PTPRT: variants seen among roughly 807,000 people sequenced by gnomAD.
PTPRT encodes protein tyrosine phosphatase receptor type T, also known as receptor-type tyrosine-protein phosphatase T.
PTPRT carries 56 observed loss-of-function variants against 176.8 expected under a neutral mutation model. The observed-to-expected ratio is 0.32, with a 90% CI of 0.26 to 0.40. The LOEUF (loss-of-function observed/expected upper bound fraction) is 0.40. PTPRT is among the 10% of genes least tolerant of loss of function. The pLI is 1.00. For synonymous variants in PTPRT, 783 were observed against 739.0 expected, an observed-to-expected ratio of 1.06 and a Z score of -0.96; for missense variants, 1,540 against 1,908.2, an observed-to-expected ratio of 0.81 and a Z score of 3.60.
chr20:42,937,758 C>T (rs1290216227), intron 1 of PTPRT, among the ~76,000 whole-genome samples: 1 of 152,186 alleles, frequency 6.6e-6, no homozygotes, highest in African/African-American at 2.4e-5. Context: ...CAAATATTAT[C>T]CCATTCACCA....
intron 7 of PTPRT, among the ~76,000 whole-genome samples, chr20:42,534,120 AT>A (rs2072433498): frequency 6.6e-6 from 1 of 152,162 alleles, no homozygotes; most frequent in Admixed American, 6.5e-5. Flanking sequence ...AGGTGTCTGC[AT>A]TTTCTTCCTG....
At chr20:42,522,497 A>G (rs991467986) in intron 7 of PTPRT, among the ~76,000 whole-genome samples, 3 of 151,966 alleles carry the variant, frequency 2.0e-5, no homozygotes, top group Non-Finnish European at 4.4e-5. Flanking sequence ...CACTCACTCT[A>G]TTGCTCAGGC....
intron 1 of PTPRT, among the ~76,000 whole-genome samples, chr20:43,096,014 T>C (rs2012147848): frequency 1.4e-5 from 1 of 71,848 alleles, no homozygotes; most frequent in Non-Finnish European, 2.6e-5. Context: ...TCTCTTCCCC[T>C]CTCTCCCCAC....
intron 6 of PTPRT, among the ~76,000 whole-genome samples, chr20:42,732,741 G>A (rs1360250464): frequency 6.6e-6 from 1 of 152,198 alleles, no homozygotes; most frequent in African/African-American, 2.4e-5. Context: ...ATGCTTGGGG[G>A]CTCAACAGCT....
intron 6 of PTPRT, among the ~76,000 whole-genome samples, chr20:42,734,234 G>GACCTCATAGACCTCATAGACCTCATA (rs2076504283): frequency 6.6e-6 from 1 of 152,090 alleles, no homozygotes. Flanking sequence ...TAGACCTCTG[G>GACCTCATAGACCTCATAGACCTCATA]GACAGTAGGT....
At chr20:42,405,010 CAT>C (rs2058947011) in intron 9 of PTPRT, among the ~76,000 whole-genome samples, 1 of 42,748 alleles carries the variant, frequency 2.3e-5, no homozygotes, top group Non-Finnish European at 5.4e-5. Flanking sequence ...AAATATATAA[CAT>C]ATCATATAGC....
chr20:42,765,145 G>A (rs1179750065), intron 5 of PTPRT, among the ~76,000 whole-genome samples: 1 of 152,210 alleles, frequency 6.6e-6, no homozygotes, highest in Non-Finnish European at 1.5e-5. Context: ...GATCTGCACA[G>A]GGCGTTTGGA....
At chr20:43,149,501 G>T (rs1268337708) in intron 1 of PTPRT, among the ~76,000 whole-genome samples, 1 of 152,182 alleles carries the variant, frequency 6.6e-6, no homozygotes, top group African/African-American at 2.4e-5. Flanking sequence ...TCAATGAATG[G>T]GTGAGGAACA....
At chr20:42,252,763 A>AAGAACATTCCCAC (rs2056568353) in intron 13 of PTPRT, among the ~76,000 whole-genome samples, 1 of 152,256 alleles carries the variant, frequency 6.6e-6, no homozygotes, top group South Asian at 2.1e-4. Flanking sequence ...AGGGCCACAG[A>AAGAACATTCCCAC]AGAACATTCA....
intron 2 of PTPRT, among the ~76,000 whole-genome samples, chr20:42,826,220 C>A (rs1343508147): frequency 6.6e-6 from 1 of 152,132 alleles, no homozygotes; most frequent in Non-Finnish European, 1.5e-5. Flanking sequence ...GCTCTGAGTA[C>A]CCACAGCCAG....
At chr20:42,173,035 G>T (rs1301548732) in intron 16 of PTPRT, among the ~76,000 whole-genome samples, 1 of 152,190 alleles carries the variant, frequency 6.6e-6, no homozygotes, top group East Asian at 1.9e-4. Flanking sequence ...TACATGCTGT[G>T]CACTGTTCAA....
At chr20:43,036,202 T>A (rs965090599) in intron 1 of PTPRT, among the ~76,000 whole-genome samples, 5 of 152,290 alleles carry the variant, frequency 3.3e-5, no homozygotes, top group Admixed American at 6.5e-5. Context: ...TTAAAAAAAA[T>A]TTTGTTTTGC....
chr20:42,340,680 A>G (rs928774084), intron 11 of PTPRT, among the ~76,000 whole-genome samples: 2 of 152,186 alleles, frequency 1.3e-5, no homozygotes, highest in African/African-American at 2.4e-5. Context: ...AGATCAGGCT[A>G]TAGAAATGCA....
At chr20:42,835,974 A>T (rs1391666295) in intron 2 of PTPRT, among the ~76,000 whole-genome samples, 1 of 152,076 alleles carries the variant, frequency 6.6e-6, no homozygotes, top group Non-Finnish European at 1.5e-5. Flanking sequence ...TGGGAAGGAG[A>T]CTAGCTCAGT....
intron 13 of PTPRT, among the ~76,000 whole-genome samples, chr20:42,265,753 C>A (rs1028483788): frequency 3.3e-5 from 5 of 152,304 alleles, no homozygotes; most frequent in African/African-American, 1.2e-4. Context: ...GGTGTCCAAG[C>A]TCACAGGGCC....
Position 42,323,701 on chromosome 20 carries a change from T to A in PTPRT, c.1866-7705A>T, listed in dbSNP as rs542305028. 4.6e-5 allele frequency among the ~76,000 whole-genome samples: 7 copies of A among 152,082 alleles called. No individual in the cohort carries two copies. In the South Asian group the frequency reaches 1.4e-3, roughly 32 times the overall value. ...GGGTACAGCACACCAGCATGGCACA[T>A]GTATACATATGTAACTAACCTGCAC... On this transcript the variant is annotated intron_variant, in intron 11 of 30. Coordinates refer to ENST00000373187, the MANE Select transcript of PTPRT (RefSeq NM_007050.6).
At chr20:42,904,900 T>G (rs2079454237) in intron 1 of PTPRT, among the ~76,000 whole-genome samples, 1 of 152,172 alleles carries the variant, frequency 6.6e-6, no homozygotes, top group Non-Finnish European at 1.5e-5. Context: ...TCCTTACATC[T>G]TATACAAAAA....
chr20:42,452,771 G>A (rs1601052611), intron 8 of PTPRT, among the ~76,000 whole-genome samples: 1 of 152,178 alleles, frequency 6.6e-6, no homozygotes. Flanking sequence ...GGAAAGTACA[G>A]ATGAATAGTT....
intron 7 of PTPRT, among the ~76,000 whole-genome samples, chr20:42,588,496 T>C (rs1601327639): frequency 6.6e-6 from 1 of 151,980 alleles, no homozygotes; most frequent in Non-Finnish European, 1.5e-5. Context: ...ATGTGGCTGG[T>C]GCAAACTGAG....
Sources: gnomAD v4.1 joint callset for allele counts (sites outside exome capture counted in the v4.1 genomes callset) on GRCh38, gnomAD v4.1.1 for gene constraint, MANE v1.5 for transcripts, NCBI Gene and HGNC (gene_info 2026-07-23, HGNC 2026-07-21) for gene names.